The following LAMB4 variants were observed in gnomAD, a reference collection of about 807,000 sequenced individuals.
LAMB4 encodes the protein laminin subunit beta 4, also known as laminin subunit beta-4.
LAMB4 carries 196 observed loss-of-function variants against 199.2 expected under a neutral mutation model. The observed-to-expected ratio is 0.98, with a 90% CI of 0.88 to 1.11. The LOEUF (loss-of-function observed/expected upper bound fraction) is 1.11, where lower values mean the gene tolerates loss of function less well. Ranked by LOEUF, LAMB4 falls within the 50% of genes least tolerant of loss-of-function variation. The pLI is 0.00. For missense variants in LAMB4, 2,080 were observed against 2,171.2 expected, an observed-to-expected ratio of 0.96 and a Z score of 0.83; for synonymous variants, 744 against 770.6, an observed-to-expected ratio of 0.97 and a Z score of 0.57.
At chr7:108,018,699 C>T (rs987517505), downstream of LAMB4, among the ~76,000 whole-genome samples, 26 of 151,938 alleles carry the variant, frequency 1.7e-4, no homozygotes, top group Admixed American at 5.2e-4. Context: ...AGCAAGACTC[C>T]GTCTCAAAAA....
intron 17 of LAMB4, among the ~76,000 whole-genome samples, chr7:108,070,906 C>G (rs79286156): frequency 0.018 from 2,779 of 152,234 alleles, 29 homozygotes; most frequent in South Asian, 0.034. Flanking sequence ...ACAGAGGAAA[C>G]AGACCCCAGC....
the LAMB4 span, among the ~76,000 whole-genome samples, chr7:108,011,812 A>G: frequency 1.3e-5 from 2 of 152,126 alleles, no homozygotes; most frequent in African/African-American, 4.8e-5. Flanking sequence ...TGTATATGCT[A>G]TTGGTAAAAT....
Position 108,109,180 on chromosome 7 carries a change from C to A in LAMB4, c.393G>T (p.Leu131=). 2 of 1,609,536 alleles carry A rather than the reference C, an allele frequency of 1.2e-6. No individual in the cohort carries two copies. The highest frequency in any genetic ancestry group is 2.2e-5 in the South Asian group (2 of 90,916). ...GCCTATTAGTCTGTACCTTAAAGGT[C>A]AGGATAAGGTGGCTGAACCGAAATA... ...EALFRFSHLI[L]TFKTFRPAAM... The change falls in exon 5 of 34, where the codon CTG becomes CTT. Residue 131 remains leucine, a synonymous_variant. Transcript: ENST00000388781.
chr7:108,021,984 G>T (rs1219265148), downstream of LAMB4, among the ~76,000 whole-genome samples: 1 of 148,748 alleles, frequency 6.7e-6, no homozygotes. Context: ...TTCTTCCAGG[G>T]TTGCTGAGTA....
intron 15 of LAMB4, 24 bp from the exon 16 acceptor site, chr7:108,078,340 A>C (rs2036788038): frequency 7.3e-7 from 1 of 1,366,762 alleles, no homozygotes; most frequent in Non-Finnish European, 1.0e-6. Flanking sequence ...ACATTAAGGC[A>C]TGTCACTGCA....
Position 108,049,390 on chromosome 7 carries a change from C to A in LAMB4, c.4058G>T (p.Gly1353Val). The change falls in exon 27 of 34, where the codon GGA (glycine) becomes GTA (valine). Residue 1353 changes from glycine to valine, a missense_variant. Physicochemically the swap from Gly to Val is moderately radical, Grantham distance 109. Transcript: ENST00000388781. ...CTTTAATCTTTCCAATGACAAGTTT[C>A]CTTTTGAGGTTAGTGTATCTAAGAT... ...LTILDTLTSK[G>V]NLSLERLKQI... 1 of 1,593,260 alleles carries A rather than the reference C, an allele frequency of 6.3e-7. No homozygotes were observed. The highest frequency in any genetic ancestry group is 8.6e-7 in the Non-Finnish European group (1 of 1,163,034).
chr7:108,073,653 A>G (rs2036605459), intron 17 of LAMB4, among the ~76,000 whole-genome samples: 1 of 152,228 alleles, frequency 6.6e-6, no homozygotes, highest in South Asian at 2.1e-4. Context: ...TAAACTTTGA[A>G]AGGGCTGCGT....
chr7:108,026,815 C>G, intron 33 of LAMB4: 1 of 483,228 alleles, frequency 2.1e-6, no homozygotes, highest in Non-Finnish European at 4.0e-6. Context: ...CAGAGAGGAA[C>G]AGGCACAGCC....
At chr7:108,125,596 C>T in intron 1 of LAMB4, among the ~76,000 whole-genome samples, 1 of 152,188 alleles carries the variant, frequency 6.6e-6, no homozygotes, top group East Asian at 1.9e-4. Flanking sequence ...TCCTGCTTCT[C>T]TCCAGTGGAG....
Position 108,043,852 on chromosome 7 carries a change from G to C in LAMB4, c.4371C>G (p.Ala1457=), listed in dbSNP as rs2035524047. The C allele has an allele frequency of 1.9e-6, 3 of 1,608,086 alleles. No homozygotes were observed. Among genetic ancestry groups the C allele is most frequent in the South Asian group, 2.2e-5 (2 of 89,782 alleles). ...TTCCCAGTTTTTCCCTCAGCTGTAAGGCATTGTTTTTGGAGACTTCTGCCT... is the reference window on the plus strand; with the variant it reads ...TTCCCAGTTTTTCCCTCAGCTGTAACGCATTGTTTTTGGAGACTTCTGCCT... The part of the protein sequence containing the change: ...SEQAEVSKNN[A]LQLREKLGNI... Residue 1457 remains alanine, a synonymous_variant, in exon 29 of 34, where the codon GCC becomes GCG. Transcript: ENST00000388781.
chr7:108,039,235 C>G (rs1017331384), intron 29 of LAMB4, among the ~76,000 whole-genome samples: 1 of 152,152 alleles, frequency 6.6e-6, no homozygotes, highest in African/African-American at 2.4e-5. Flanking sequence ...GGAACTTACA[C>G]TGTTCAGAGA....
intron 1 of LAMB4, among the ~76,000 whole-genome samples, chr7:108,126,581 G>T (rs1300050705): frequency 1.8e-3 from 2 of 1,106 alleles, no homozygotes; most frequent in Non-Finnish European, 6.6e-3. Flanking sequence ...TTTTTGAGAC[G>T]GAGTCTCGCT....
chr7:108,107,303 T>C (rs143157806), intron 6 of LAMB4, among the ~76,000 whole-genome samples: 3 of 152,324 alleles, frequency 2.0e-5, no homozygotes, highest in South Asian at 4.1e-4. Flanking sequence ...GGGGATGAGA[T>C]AGCTAATGTC....
intron 15 of LAMB4, 59 bp from the exon 16 acceptor site, chr7:108,078,375 G>A (rs957459579): frequency 2.0e-5 from 21 of 1,044,248 alleles, no homozygotes; most frequent in South Asian, 9.5e-5. Flanking sequence ...TGTTTTGCAC[G>A]TACACACATA....
At chr7:108,098,377 C>T (rs116865861) in intron 11 of LAMB4, 26 bp downstream of exon 11, 58,156 of 1,480,042 alleles carry the variant, frequency 0.039, 1,289 homozygotes, top group Admixed American at 0.055. Flanking sequence ...GATGGACACT[C>T]CCCCGACCCC....
chr7:108,015,824 T>A, the LAMB4 span, among the ~76,000 whole-genome samples: 1 of 151,566 alleles, frequency 6.6e-6, no homozygotes, highest in East Asian at 1.9e-4. Context: ...TACAACTGTA[T>A]ATTTGCTTAG....
At chr7:108,083,990 T>C (rs1230975876) in intron 14 of LAMB4, among the ~76,000 whole-genome samples, 4 of 152,212 alleles carry the variant, frequency 2.6e-5, no homozygotes, top group Non-Finnish European at 5.9e-5. Context: ...GCTGTGGCTA[T>C]ATCATGGGGA....
intron 31 of LAMB4, among the ~76,000 whole-genome samples, chr7:108,033,321 G>C (rs915433349): frequency 2.0e-5 from 3 of 152,098 alleles, no homozygotes; most frequent in Non-Finnish European, 2.9e-5. Context: ...GGGAAATCCT[G>C]GGGCCTTCCT....
At chr7:108,107,506 AT>A in intron 6 of LAMB4, 124 bp downstream of exon 6, 1 of 696,660 alleles carries the variant, frequency 1.4e-6, no homozygotes, top group Non-Finnish European at 2.4e-6. Context: ...AGACACTTTC[AT>A]TTTCAAAAAA....
Sources: gnomAD v4.1 joint callset for allele counts (sites outside exome capture counted in the v4.1 genomes callset) on GRCh38, gnomAD v4.1.1 for gene constraint, MANE v1.5 for transcripts, NCBI Gene and HGNC (gene_info 2026-07-23, HGNC 2026-07-21) for gene names.